The following NCOA6 variants were observed in gnomAD, a reference collection of about 807,000 sequenced individuals.
NCOA6 encodes nuclear receptor coactivator 6.
NCOA6 carries 49 observed loss-of-function variants against 171.4 expected under a neutral mutation model. The observed-to-expected ratio is 0.29, with a 90% CI of 0.23 to 0.36. The LOEUF is 0.36. Ranked by LOEUF, NCOA6 falls within the 10% of genes least tolerant of loss-of-function variation. The pLI, the probability that NCOA6 is intolerant of heterozygous loss-of-function variation, is 1.00. For missense variants in NCOA6, 2,248 were observed against 2,554.5 expected, an observed-to-expected ratio of 0.88 and a Z score of 2.59; for synonymous variants, 910 against 927.5, an observed-to-expected ratio of 0.98 and a Z score of 0.34.
intron 1 of NCOA6, among the ~76,000 whole-genome samples, chr20:34,817,647 A>G (rs753168122): frequency 6.6e-6 from 1 of 152,214 alleles, no homozygotes; most frequent in Non-Finnish European, 1.5e-5. Flanking sequence ...GTAGAAAAAG[A>G]TCACATTTAA....
chr20:34,792,436 A>G lies in NCOA6; in HGVS notation c.-50+14T>C, dbSNP rs1601053259. Reference sequence around the variant, plus strand: ...GTTGGCTTTATTAACTCTCTCGCATAAGGTTTCACTCACCAAAATCTCTTT... The same window carrying G: ...GTTGGCTTTATTAACTCTCTCGCATGAGGTTTCACTCACCAAAATCTCTTT... On this transcript the variant is annotated intron_variant, in intron 2 of 14. Coordinates refer to ENST00000359003, the MANE Select transcript of NCOA6 (RefSeq NM_014071.5). The G allele has an allele frequency of 5.0e-6, 2 of 398,040 alleles. No homozygotes were observed. Among genetic ancestry groups the G allele is most frequent in the East Asian group, 7.2e-5 (2 of 27,972 alleles). The allele number at this position is 398,040 out of a possible 1,614,324, so 24.7% of individuals were successfully genotyped here.
rs765673964 is a variant in NCOA6, at chr20:34,732,580, G to C, written c.5978C>G (p.Ala1993Gly). 1.9e-6 allele frequency: 3 copies of C among 1,613,728 alleles called. No homozygotes were observed. The highest frequency in any genetic ancestry group is 2.5e-6 in the Non-Finnish European group (3 of 1,179,820). ...TTACCTTTGTCCAGAGACTATGGCA[G>C]CATTTACCTCCAGCTCTGCAAAAAA... ...SVARPELEVN[A>G]AIVSGQSSEP... Residue 1993 changes from alanine to glycine, a missense_variant, in exon 13 of 15, where the codon GCT becomes GGT. Physicochemically the swap from Ala to Gly is moderately conservative, Grantham distance 60. Around this residue, in one of 7 missense-constraint regions of NCOA6, gnomAD observed 884 missense variants for 941.9 expected, o/e 0.94. Coordinates refer to ENST00000359003, the MANE Select transcript of NCOA6 (RefSeq NM_014071.5).
Position 34,750,391 on chromosome 20 carries a change from G to A in NCOA6, c.1804C>T (p.Pro602Ser), listed in dbSNP as rs2145712929. The A allele has an allele frequency of 1.2e-6, 2 of 1,614,106 alleles. No homozygotes were observed. The highest frequency in any genetic ancestry group is 1.7e-6 in the Non-Finnish European group (2 of 1,180,026). Residue 602 changes from proline to serine, a missense_variant, in exon 9 of 15, where the codon CCT becomes TCT. Physicochemically the swap from Pro to Ser is moderately conservative, Grantham distance 74. Coordinates refer to ENST00000359003, the MANE Select transcript of NCOA6 (RefSeq NM_014071.5). The part of the protein sequence containing the change: ...NNQQAGTSGV[P>S]QVNLSNMQGQ... ...TGCATGTTGCTGAGGTTCACTTGAG[G>A]AACCCCAGAAGTACCAGCCTGCTGA... is the stretch of plus-strand genomic sequence containing the variant.
intron 1 of NCOA6, chr20:34,821,118 A>G (rs869111886): frequency 6.6e-6 from 1 of 151,940 alleles, no homozygotes; most frequent in African/African-American, 2.4e-5. Flanking sequence ...TAGACATTGG[A>G]TGGCAAATTA....
At chr20:34,779,125 T>TTAAGTA (rs1230930466) in intron 3 of NCOA6, among the ~76,000 whole-genome samples, 1 of 152,166 alleles carries the variant, frequency 6.6e-6, no homozygotes, top group Non-Finnish European at 1.5e-5. Flanking sequence ...TAAAAAATAC[T>TTAAGTA]TTTTAAAAAA....
chr20:34,776,246 T>C (rs2077317687), intron 4 of NCOA6, 47 bp downstream of exon 4: 4 of 1,585,982 alleles, frequency 2.5e-6, no homozygotes, highest in Non-Finnish European at 3.4e-6. Context: ...TATATTCTAC[T>C]GTTGTAATGA....
At chr20:34,759,525 C>T (rs6087626) in intron 5 of NCOA6, among the ~76,000 whole-genome samples, 52,795 of 151,866 alleles carry the variant, frequency 0.35, 9,528 homozygotes, top group Middle Eastern at 0.42. Context: ...TGTAGGTAAA[C>T]TGCACTTTTT....
At chr20:34,784,756 G>T (rs2077619040) in intron 2 of NCOA6, among the ~76,000 whole-genome samples, 1 of 151,930 alleles carries the variant, frequency 6.6e-6, no homozygotes, top group Non-Finnish European at 1.5e-5. Flanking sequence ...ATTCCAGTAT[G>T]GGTGATAGCA....
In NCOA6 at chr20:34,782,371, A is replaced by G; in HGVS notation, c.-16T>C. ...CCAAAACCATGGTGAATATTATTCC[A>G]GAAGCATATGCCAAGAGGACAATAA... On this transcript the variant is annotated 5_prime_UTR_variant, in exon 3 of 15. Transcript: ENST00000359003. 2.0e-6 allele frequency: 3 copies of G among 1,505,378 alleles called. No homozygotes were observed. The highest frequency in any genetic ancestry group is 1.8e-6 in the Non-Finnish European group (2 of 1,096,018). The allele number at this position is 1,505,378 out of a possible 1,614,324, so 93.3% of individuals were successfully genotyped here.
rs1275869710 is a variant in NCOA6, at chr20:34,738,974, A to G, written c.5893+1389T>C. ...GGCACTTAATTAGCTGGCCTAGGATATCGTAAAGGTCTTTCCCAGCTCTAG... is the reference window on the plus strand; with the variant it reads ...GGCACTTAATTAGCTGGCCTAGGATGTCGTAAAGGTCTTTCCCAGCTCTAG... On this transcript the variant is annotated intron_variant, in intron 11 of 14. Transcript: ENST00000359003. 6.6e-6 allele frequency: 3 copies of G among 455,744 alleles called. No individual in the cohort carries two copies. The East Asian group carries it at 2.1e-4, about 32-fold the overall frequency. 28.2% of individuals were successfully genotyped at this position (455,744 alleles called of 1,614,324 possible). A position where few individuals can be genotyped will look rare whatever the true frequency, so the allele number is the denominator to read the frequency against.
rs557004325 is a variant in NCOA6, at chr20:34,812,507, A to AT, written c.-164+12964dup. 2.2e-4 allele frequency among the ~76,000 whole-genome samples: 33 copies of AT among 152,312 alleles called. No individual in the cohort carries two copies. The East Asian group carries it at 4.2e-3, about 20-fold the overall frequency. ...TAAACTTCAATCCTAACTTCTTAGT[A>AT]TAAGAAACAAAAGATAAATTAGTAA... On this transcript the variant is annotated intron_variant, in intron 1 of 14. Transcript: ENST00000359003.
At chr20:34,756,485 C>T (rs2076645888) in intron 7 of NCOA6, among the ~76,000 whole-genome samples, 1 of 152,156 alleles carries the variant, frequency 6.6e-6, no homozygotes, top group Non-Finnish European at 1.5e-5. Context: ...TACTGAAAAG[C>T]TCCAAGCACA....
chr20:34,795,634 TAA>T (rs2078040077), intron 1 of NCOA6, among the ~76,000 whole-genome samples: 1 of 152,132 alleles, frequency 6.6e-6, no homozygotes, highest in South Asian at 2.1e-4. Flanking sequence ...AGTTCTAGAT[TAA>T]AAGAGACTGA....
At chr20:34,815,924 T>C (rs1457279494) in intron 1 of NCOA6, among the ~76,000 whole-genome samples, 2 of 152,134 alleles carry the variant, frequency 1.3e-5, no homozygotes, top group Non-Finnish European at 2.9e-5. Context: ...TACTCAAAGC[T>C]TGAATCAATT....
chr20:34,715,308 G>C lies in NCOA6; in HGVS notation c.*14C>G. On this transcript the variant is annotated 3_prime_UTR_variant, in exon 15 of 15. Transcript: ENST00000359003. ...CACACACATTTCCAAGTATCAAGTC[G>C]CAGTCCTGCTTGTTTACTTGGATTT... 6.2e-7 allele frequency: 1 copy of C among 1,613,732 alleles called. No individual in the cohort carries two copies. The highest frequency in any genetic ancestry group is 8.5e-7 in the Non-Finnish European group (1 of 1,179,746).
At chr20:34,757,098 T>C in intron 7 of NCOA6, 122 bp downstream of exon 7, 1 of 1,046,354 alleles carries the variant, frequency 9.6e-7, no homozygotes, top group Non-Finnish European at 1.3e-6. Flanking sequence ...GTCACCACCA[T>C]ATCCACAAAA....
chr20:34,802,517 C>T (rs887700330), intron 1 of NCOA6, among the ~76,000 whole-genome samples: 1 of 152,154 alleles, frequency 6.6e-6, no homozygotes, highest in South Asian at 2.1e-4. Context: ...AGAAGAATCA[C>T]TTCAACCAGG....
At chr20:34,749,092 A>C (rs1375657942) in intron 9 of NCOA6, among the ~76,000 whole-genome samples, 1 of 152,228 alleles carries the variant, frequency 6.6e-6, no homozygotes, top group Non-Finnish European at 1.5e-5. Flanking sequence ...TGAACACTGG[A>C]TATGAGAGTA....
At chr20:34,793,702 A>T (rs994476517) in intron 1 of NCOA6, among the ~76,000 whole-genome samples, 4 of 152,220 alleles carry the variant, frequency 2.6e-5, no homozygotes, top group African/African-American at 9.6e-5. Flanking sequence ...GCAAAGCAAA[A>T]AACATTGTAA....
Sources: allele counts gnomAD v4.1 joint callset (sites outside exome capture counted in the v4.1 genomes callset), GRCh38; gene constraint gnomAD v4.1.1; regional missense constraint gnomAD v4.1.1; transcripts MANE v1.5; gene names NCBI Gene and HGNC (gene_info 2026-07-23, HGNC 2026-07-21).